ANKRD52: variants seen among roughly 807,000 people sequenced by gnomAD.
ANKRD52 encodes the protein ankyrin repeat domain 52, also known as serine/threonine-protein phosphatase 6 regulatory ankyrin repeat subunit C.
In ANKRD52, 7 loss-of-function variants were observed where a neutral mutation model predicts 116.0. That is an observed-to-expected ratio of 0.06 (90% CI 0.03 to 0.11). The LOEUF (loss-of-function observed/expected upper bound fraction) is 0.11. ANKRD52 is among the 10% of genes least tolerant of loss of function. The pLI, the probability that ANKRD52 is intolerant of heterozygous loss-of-function variation, is 1.00. For synonymous variants in ANKRD52, 528 were observed against 578.1 expected, an observed-to-expected ratio of 0.91 and a Z score of 1.24; for missense variants, 839 against 1,408.6, an observed-to-expected ratio of 0.60 and a Z score of 6.47.
At position 56,255,074 on chromosome 12, in the gene ANKRD52, A is replaced by G; in HGVS notation, c.463-122T>C. 1.1e-6 allele frequency: 1 copy of G among 922,102 alleles called. No individual in the cohort carries two copies. Among genetic ancestry groups the G allele is most frequent in the Non-Finnish European group, 1.7e-6 (1 of 596,574 alleles). The allele number at this position is 922,102 out of a possible 1,614,324, so 57.1% of individuals were successfully genotyped here. On this transcript the variant is annotated intron_variant, in intron 5 of 27. Coordinates refer to ENST00000267116, the MANE Select transcript of ANKRD52 (RefSeq NM_173595.4). This position sits in a 1 kb window ranked among gnomAD's most constrained non-coding sequence, Gnocchi z 4.3. ...CCTAATGCCTTTTTCCATGAGCAAA[A>G]CAACCTGGAGGACTCGAGGGAACAG... is the stretch of plus-strand genomic sequence containing the variant.
In ANKRD52 at chr12:56,245,489, A is replaced by G; in HGVS notation, c.2292T>C (p.Cys764=). ...GGGTCCGCAGTACTGCAGTGTGGCC[A>G]CAGGCTGAGGCCAGGTGAATGGGCG... ...GRTPIHLASA[C]GHTAVLRTLL... The change falls in exon 21 of 28, where the codon TGT becomes TGC. Residue 764 remains cysteine, a synonymous_variant. Transcript: ENST00000267116. 1 of 1,611,976 alleles carries G rather than the reference A, an allele frequency of 6.2e-7. No homozygotes were observed. The highest frequency in any genetic ancestry group is 1.1e-5 in the South Asian group (1 of 91,004).
rs962337494 is a variant in ANKRD52 at position 56,245,686 on chromosome 12, C to A, written c.2185-90G>T. The A allele has an allele frequency of 1.0e-5, 10 of 982,610 alleles. No individual in the cohort carries two copies. In the African/African-American group the frequency reaches 1.3e-4, roughly 13 times the overall value. The allele number at this position is 982,610 out of a possible 1,614,324, so 60.9% of individuals were successfully genotyped here. A position where few individuals can be genotyped will look rare whatever the true frequency, so the allele number is the denominator to read the frequency against. ...GAGTCTGGCTCAGGAGTAAGAACCACTTCCAGGGCTCCAATCCTTGTCTTT... is the reference window on the plus strand; with the variant it reads ...GAGTCTGGCTCAGGAGTAAGAACCAATTCCAGGGCTCCAATCCTTGTCTTT... On this transcript the variant is annotated intron_variant, in intron 20 of 27. Coordinates refer to ENST00000267116, the MANE Select transcript of ANKRD52 (RefSeq NM_173595.4).
At position 56,257,300 on chromosome 12, in the gene ANKRD52, T is replaced by A; in HGVS notation, c.173A>T (p.Gln58Leu). Reference sequence around the variant, plus strand: ...ACTTTCACCTGACATCAGTAGCAACTGGAGGATGGGGACATCGCCTACGTA... The same window carrying A: ...ACTTTCACCTGACATCAGTAGCAACAGGAGGATGGGGACATCGCCTACGTA... Reference protein sequence around the residue: ...AAYVGDVPILQLLLMSGANVN... With the variant: ...AAYVGDVPILLLLLMSGANVN... Residue 58 changes from glutamine to leucine, a missense_variant, in exon 3 of 28, where the codon CAG becomes CTG. Coordinates refer to ENST00000267116, the MANE Select transcript of ANKRD52 (RefSeq NM_173595.4). 6.3e-7 allele frequency: 1 copy of A among 1,597,452 alleles called. No individual in the cohort carries two copies. The highest frequency in any genetic ancestry group is 8.5e-7 in the Non-Finnish European group (1 of 1,171,992).
In ANKRD52 at chr12:56,258,331, G is replaced by T. The variant is rs1190349112; in HGVS notation, c.-62C>A. 1.0e-5 allele frequency: 15 copies of T among 1,497,364 alleles called. No homozygotes were observed. In the East Asian group the frequency reaches 3.1e-4, roughly 31 times the overall value. The allele number at this position is 1,497,364 out of a possible 1,614,324, so 92.8% of individuals were successfully genotyped here. A position where few individuals can be genotyped will look rare whatever the true frequency, so the allele number is the denominator to read the frequency against. ...CGGCGGCGGCGGCGGCTCCACCGGG[G>T]ACACGGAGCGGCCCAGGCGGCGGCT... On this transcript the variant is annotated 5_prime_UTR_variant, in exon 1 of 28. Coordinates refer to ENST00000267116, the MANE Select transcript of ANKRD52 (RefSeq NM_173595.4).
chr12:56,249,168 T>C (rs571044318), intron 15 of ANKRD52, among the ~76,000 whole-genome samples: 38 of 152,298 alleles, frequency 2.5e-4, no homozygotes, highest in East Asian at 5.8e-4. Flanking sequence ...CTGACCAACA[T>C]GCTTTCCCCA....
rs1166629473 is a variant in ANKRD52 at position 56,255,657 on chromosome 12, T to G, written c.462+127A>C. 1 of 809,044 alleles carries G rather than the reference T, an allele frequency of 1.2e-6. No homozygotes were observed. The highest frequency in any genetic ancestry group is 1.7e-5 in the African/African-American group (1 of 57,962). 50.1% of individuals were successfully genotyped at this position (809,044 alleles called of 1,614,324 possible). On this transcript the variant is annotated intron_variant, in intron 5 of 27. Transcript: ENST00000267116. The surrounding 1 kb of genome is among the most constrained non-coding windows in gnomAD (Gnocchi z 4.3). ...CTGACCATTCATTTAGTGCTTCAGC[T>G]TAAGTGTTTATATAACCATCCGGGC... is the stretch of plus-strand genomic sequence containing the variant.
chr12:56,250,035 T>C (rs914878340), intron 15 of ANKRD52, among the ~76,000 whole-genome samples: 9 of 150,318 alleles, frequency 6.0e-5, no homozygotes, highest in African/African-American at 2.2e-4. Context: ...AGACTCGGTC[T>C]TCAAAAAAAC....
chr12:56,245,661 G>A, intron 20 of ANKRD52, 65 bp from the exon 21 acceptor site: 2 of 1,484,262 alleles, frequency 1.3e-6, no homozygotes, highest in Non-Finnish European at 1.8e-6. Context: ...CCTGTTGCTG[G>A]AGTCTGGCTC....
intron 20 of ANKRD52, among the ~76,000 whole-genome samples, chr12:56,246,412 AGAGTTAATACTGGAGCTCTG>A (rs1192293544): frequency 1.3e-5 from 2 of 152,196 alleles, no homozygotes; most frequent in Non-Finnish European, 2.9e-5. Context: ...CAGGATACTA[AGAGTTAATACTGGAGCTCTG>A]GAGTTAATAC....
intron 15 of ANKRD52, among the ~76,000 whole-genome samples, chr12:56,249,078 T>A (rs1871562137): frequency 6.6e-6 from 1 of 152,210 alleles, no homozygotes; most frequent in Non-Finnish European, 1.5e-5. Context: ...CCTGAACCCC[T>A]CTGGCTTCAA....
Position 56,237,962 on chromosome 12 carries a change from C to A in ANKRD52, c.*5180G>T. 2.1e-4 allele frequency: 55 copies of A among 258,618 alleles called. No homozygotes were observed. Among genetic ancestry groups the A allele is most frequent in the East Asian group, 7.3e-4 (9 of 12,336 alleles). The allele number at this position is 258,618 out of a possible 1,614,324, so 16.0% of individuals were successfully genotyped here. A position where few individuals can be genotyped will look rare whatever the true frequency, so the allele number is the denominator to read the frequency against. On this transcript the variant is annotated 3_prime_UTR_variant, in exon 28 of 28. Transcript: ENST00000267116. Reference sequence around the variant, plus strand: ...AGTAGGGGCCTGGAGGGTGCAGGGTCATTAATCTGCGGGGAGAACATTGTG... The same window carrying A: ...AGTAGGGGCCTGGAGGGTGCAGGGTAATTAATCTGCGGGGAGAACATTGTG...
chr12:56,245,034 T>C (rs767696010), intron 22 of ANKRD52, 45 bp from the exon 23 acceptor site: 13 of 1,612,800 alleles, frequency 8.1e-6, no homozygotes, highest in Admixed American at 1.7e-5. Context: ...ACAAGGGAAG[T>C]AGACTACCTG....
At position 56,248,646 on chromosome 12, in the gene ANKRD52, C is replaced by T; in HGVS notation, c.1705-80G>A. On this transcript the variant is annotated intron_variant, in intron 16 of 27. Transcript: ENST00000267116. This position sits in a 1 kb window ranked among gnomAD's most constrained non-coding sequence, Gnocchi z 5.1. Reference sequence around the variant, plus strand: ...CCAGTCCCCGACTCGCAGTAATCCCCACTAAGCCTCTGGATCCAAAGACCA... The same window carrying T: ...CCAGTCCCCGACTCGCAGTAATCCCTACTAAGCCTCTGGATCCAAAGACCA... The T allele has an allele frequency of 1.3e-6, 2 of 1,489,964 alleles. No individual in the cohort carries two copies. Among genetic ancestry groups the T allele is most frequent in the Middle Eastern group, 1.7e-4 (1 of 5,860 alleles). The allele number at this position is 1,489,964 out of a possible 1,614,324, so 92.3% of individuals were successfully genotyped here.
chr12:56,245,072 G>C (rs905611665), intron 22 of ANKRD52, 31 bp downstream of exon 22: 1 of 1,612,998 alleles, frequency 6.2e-7, no homozygotes, highest in South Asian at 1.1e-5. Context: ...GGGCCCTCGC[G>C]AGAAGGGCTG....
Position 56,243,167 on chromosome 12 carries a change from C to G in ANKRD52, c.3206G>C (p.Gly1069Ala), listed in dbSNP as rs762227157. Residue 1069 changes from glycine to alanine, a missense_variant, in exon 28 of 28, where the codon GGG (glycine) becomes GCG (alanine). Transcript: ENST00000267116. The surrounding 1 kb of genome is among the most constrained non-coding windows in gnomAD (Gnocchi z 4.6). ...PYSQERPGAIGLDGCYSE is the reference protein window; with the variant it reads ...PYSQERPGAIALDGCYSE ...CTACTCAGAGTAGCAGCCATCTAACCCAATGGCGCCGGGCCGCTCCTGGCT... is the reference window on the plus strand; with the variant it reads ...CTACTCAGAGTAGCAGCCATCTAACGCAATGGCGCCGGGCCGCTCCTGGCT... 5.6e-6 allele frequency: 9 copies of G among 1,605,680 alleles called. No individual in the cohort carries two copies. Among genetic ancestry groups the G allele is most frequent in the Non-Finnish European group, 6.8e-6 (8 of 1,176,166 alleles).
chr12:56,241,247 G>A lies in ANKRD52; in HGVS notation c.*1895C>T, dbSNP rs993037297. 1.3e-5 allele frequency: 2 copies of A among 152,184 alleles called. No individual in the cohort carries two copies. The highest frequency in any genetic ancestry group is 4.8e-5 in the African/African-American group (2 of 41,444). 9.4% of individuals were successfully genotyped at this position (152,184 alleles called of 1,614,324 possible). A position where few individuals can be genotyped will look rare whatever the true frequency, so the allele number is the denominator to read the frequency against. ...TCAATAATGGTCATTTGGAAGCCTT[G>A]AAATGATTTAGGAACTGAGGGTTGG... On this transcript the variant is annotated 3_prime_UTR_variant, in exon 28 of 28. Coordinates refer to ENST00000267116, the MANE Select transcript of ANKRD52 (RefSeq NM_173595.4).
At position 56,237,972 on chromosome 12, in the gene ANKRD52, CG is replaced by C. The variant is rs1407733694; in HGVS notation, c.*5169del. The C allele has an allele frequency of 1.4e-5, 3 of 217,980 alleles. No individual in the cohort carries two copies. Among genetic ancestry groups the C allele is most frequent in the African/African-American group, 4.7e-5 (2 of 42,190 alleles). The allele number at this position is 217,980 out of a possible 1,614,324, so 13.5% of individuals were successfully genotyped here. A position where few individuals can be genotyped will look rare whatever the true frequency, so the allele number is the denominator to read the frequency against. ...TGGAGGGTGCAGGGTCATTAATCTG[CG>C]GGGAGAACATTGTGCTTTAGCCCAG... On this transcript the variant is annotated 3_prime_UTR_variant, in exon 28 of 28. Coordinates refer to ENST00000267116, the MANE Select transcript of ANKRD52 (RefSeq NM_173595.4).
In ANKRD52 at chr12:56,244,012, G is replaced by A. The variant is rs1871281751; in HGVS notation, c.2888+39C>T. On this transcript the variant is annotated intron_variant, in intron 26 of 27. Transcript: ENST00000267116. The surrounding 1 kb of genome is among the most constrained non-coding windows in gnomAD (Gnocchi z 4.9). ...GCGGCCACTCTTTCATCACCCACTG[G>A]CCTCCCCCAGCCAGGAGCCCCCTTC... The A allele has an allele frequency of 1.2e-6, 2 of 1,610,248 alleles. No homozygotes were observed. The highest frequency in any genetic ancestry group is 1.7e-6 in the Non-Finnish European group (2 of 1,177,602).
At position 56,254,514 on chromosome 12, in the gene ANKRD52, G is replaced by GT. The variant is rs1182227242; in HGVS notation, c.693+63dup. On this transcript the variant is annotated intron_variant, in intron 7 of 27. Coordinates refer to ENST00000267116, the MANE Select transcript of ANKRD52 (RefSeq NM_173595.4). This position sits in a 1 kb window ranked among gnomAD's most constrained non-coding sequence, Gnocchi z 4.6. ...CAACATCCCAATACCTCATATCTCC[G>GT]TAACAGACTATAATCTCCTACTTGC... 1 of 1,587,102 alleles carries GT rather than the reference G, an allele frequency of 6.3e-7. No homozygotes were observed. The highest frequency in any genetic ancestry group is 8.6e-7 in the Non-Finnish European group (1 of 1,167,254).
Sources: allele counts gnomAD v4.1 joint callset (sites outside exome capture counted in the v4.1 genomes callset), GRCh38; gene constraint gnomAD v4.1.1; non-coding constraint Gnocchi (gnomAD v3.1); transcripts MANE v1.5; gene names NCBI Gene and HGNC (gene_info 2026-07-23, HGNC 2026-07-21).